Variants in ADAMTS12 observed in about 807,000 individuals in gnomAD.
ADAMTS12 encodes the protein ADAM metallopeptidase with thrombospondin type 1 motif 12, also known as A disintegrin and metalloproteinase with thrombospondin motifs 12.
Under a neutral mutation model 167.8 loss-of-function variants are expected in ADAMTS12, and 118 were observed. That is an observed-to-expected ratio of 0.70 (90% CI 0.61 to 0.82). The LOEUF is 0.82. ADAMTS12 is among the 40% of genes least tolerant of loss of function. The pLI, the probability that ADAMTS12 is intolerant of heterozygous loss-of-function variation, is 0.00. For synonymous variants in ADAMTS12, 704 were observed against 716.9 expected, an observed-to-expected ratio of 0.98 and a Z score of 0.29; for missense variants, 1,916 against 1,998.8, an observed-to-expected ratio of 0.96 and a Z score of 0.79.
intron 9 of ADAMTS12, among the ~76,000 whole-genome samples, 188 bp from the exon 10 acceptor site, chr5:33,643,658 A>C (rs1269908493): frequency 6.6e-6 from 1 of 152,252 alleles, no homozygotes; most frequent in Non-Finnish European, 1.5e-5. Context: ...GTCATCATTC[A>C]TAAACAATGG....
At chr5:33,835,920 T>TCTCTCG (rs1298127963) in intron 2 of ADAMTS12, among the ~76,000 whole-genome samples, 3 of 48,460 alleles carry the variant, frequency 6.2e-5, no homozygotes, top group African/African-American at 1.9e-4. Context: ...TCTCTCTCTC[T>TCTCTCG]CTCTCTCTCT....
chr5:33,778,207 T>C (rs1363243440), intron 2 of ADAMTS12, among the ~76,000 whole-genome samples: 1 of 152,060 alleles, frequency 6.6e-6, no homozygotes, highest in African/African-American at 2.4e-5. Flanking sequence ...GACCCCCTCA[T>C]AGTCAAAGCT....
chr5:33,731,391 G>A (rs1744191466), intron 3 of ADAMTS12, among the ~76,000 whole-genome samples: 3 of 152,068 alleles, frequency 2.0e-5, no homozygotes, highest in Admixed American at 1.3e-4. Context: ...TGTTGAAGAC[G>A]ACAGCCATGT....
At position 33,734,283 on chromosome 5, in the gene ADAMTS12, T is replaced by C. The variant is rs141078298; in HGVS notation, c.634+17121A>G. ...TCATACCCTGTCACTTCTGGTTCTT[T>C]GGAACAAAAGCTGCCTAGGTCAGAG... On this transcript the variant is annotated intron_variant, in intron 3 of 23. Transcript: ENST00000504830. Among the ~76,000 whole-genome samples the C allele has an allele frequency of 5.4e-3, 829 of 152,320 alleles. 3 individuals are homozygous for C. The highest frequency in any genetic ancestry group is 0.014 in the Middle Eastern group (4 of 294).
At chr5:33,583,629 T>C (rs1747189659) in intron 18 of ADAMTS12, among the ~76,000 whole-genome samples, 1 of 152,224 alleles carries the variant, frequency 6.6e-6, no homozygotes, top group African/African-American at 2.4e-5. Context: ...AGGGTTCCCT[T>C]TTCTCCACAT....
intron 3 of ADAMTS12, among the ~76,000 whole-genome samples, chr5:33,721,458 G>A (rs1213366250): frequency 2.0e-5 from 3 of 152,184 alleles, no homozygotes. Flanking sequence ...GAGAGGGACC[G>A]TTGCCTTTTC....
rs932990616 is a variant in ADAMTS12 at position 33,864,752 on chromosome 5, C to T, written c.489+16367G>A. 5.9e-5 allele frequency among the ~76,000 whole-genome samples: 9 copies of T among 152,286 alleles called. No individual in the cohort carries two copies. The East Asian group carries it at 1.7e-3, about 29-fold the overall frequency. On this transcript the variant is annotated intron_variant, in intron 2 of 23. Transcript: ENST00000504830. ...ACTAACACAGGAACAGAAAACCAAA[C>T]ACCGCATGTTCTCACTCTTAAGTGG...
At position 33,527,179 on chromosome 5, in the gene ADAMTS12, C is replaced by T. The variant is rs1561100522; in HGVS notation, c.*9G>A. The T allele has an allele frequency of 1.2e-6, 2 of 1,614,020 alleles. No homozygotes were observed. The highest frequency in any genetic ancestry group is 1.7e-6 in the Non-Finnish European group (2 of 1,179,918). On this transcript the variant is annotated 3_prime_UTR_variant, in exon 24 of 24. Transcript: ENST00000504830. ...CTGCAGTCTGGTGGAAGCTGGCTTCCTTTTGGGCTTAGAGTTCTTTTGACT... is the reference window on the plus strand; with the variant it reads ...CTGCAGTCTGGTGGAAGCTGGCTTCTTTTTGGGCTTAGAGTTCTTTTGACT...
Position 33,658,365 on chromosome 5 carries a change from C to G in ADAMTS12, c.1041-32G>C, listed in dbSNP as rs777350056. 1.0e-5 allele frequency: 16 copies of G among 1,604,096 alleles called. No individual in the cohort carries two copies. The South Asian group carries it at 1.8e-4, about 18-fold the overall frequency. On this transcript the variant is annotated intron_variant, in intron 6 of 23. Transcript: ENST00000504830. ...GCAGAGAATACAGAAGCTAAGGCGCCCAAAGGAACATCTGGAAAAACCTCC... is the reference window on the plus strand; with the variant it reads ...GCAGAGAATACAGAAGCTAAGGCGCGCAAAGGAACATCTGGAAAAACCTCC...
intron 2 of ADAMTS12, among the ~76,000 whole-genome samples, chr5:33,785,388 G>C (rs887853264): frequency 6.6e-6 from 1 of 152,056 alleles, no homozygotes; most frequent in African/African-American, 2.4e-5. Context: ...ATATAATGCA[G>C]ACAGGGAAAA....
At chr5:33,610,074 G>A (rs1424021125) in intron 16 of ADAMTS12, among the ~76,000 whole-genome samples, 3 of 152,174 alleles carry the variant, frequency 2.0e-5, no homozygotes. Flanking sequence ...AGCTACTCGG[G>A]AGGCTGAGAC....
At chr5:33,739,345 TGAG>T (rs1744484023) in intron 3 of ADAMTS12, among the ~76,000 whole-genome samples, 1 of 152,164 alleles carries the variant, frequency 6.6e-6, no homozygotes, top group African/African-American at 2.4e-5. Context: ...CCCACTGGGC[TGAG>T]TTTAGCTGAA....
chr5:33,889,853 G>A lies in ADAMTS12; in HGVS notation c.127+1877C>T, dbSNP rs188137700. Among the ~76,000 whole-genome samples the A allele has an allele frequency of 1.8e-3, 277 of 152,280 alleles. 1 individual carries two copies. The highest frequency in any genetic ancestry group is 6.5e-3 in the African/African-American group (272 of 41,544). On this transcript the variant is annotated intron_variant, in intron 1 of 23. Transcript: ENST00000504830. ...TGTAATCCCAGGTACTTGGTTGGCT[G>A]AGGCAGGAGAATCACTTGAACCCGG...
chr5:33,614,193 C>T (rs1042290360), intron 16 of ADAMTS12, 45 bp downstream of exon 16: 4 of 1,602,188 alleles, frequency 2.5e-6, no homozygotes, highest in Non-Finnish European at 3.4e-6. Context: ...CTACAAACTG[C>T]TCTGAGGCTG....
At chr5:33,569,419 C>T (rs1193828886) in intron 19 of ADAMTS12, among the ~76,000 whole-genome samples, 2 of 152,220 alleles carry the variant, frequency 1.3e-5, no homozygotes, top group Non-Finnish European at 2.9e-5. Context: ...AACGATCAGA[C>T]AGCAGCATTC....
At position 33,625,002 on chromosome 5, in the gene ADAMTS12, T is replaced by C. The variant is rs141143914; in HGVS notation, c.2023-651A>G. ...ACTCAAAGGAAGAATCGTTTGAATC[T>C]CTTTTTAGAGAGAGATGGGATTTTG... On this transcript the variant is annotated intron_variant, in intron 13 of 23. Coordinates refer to ENST00000504830, the MANE Select transcript of ADAMTS12 (RefSeq NM_030955.4). Among the ~76,000 whole-genome samples the C allele has an allele frequency of 4.5e-3, 684 of 152,316 alleles. 3 individuals are homozygous for C. The highest frequency in any genetic ancestry group is 7.2e-3 in the Non-Finnish European group (490 of 68,026).
At chr5:33,743,765 A>G (rs1744686000) in intron 3 of ADAMTS12, among the ~76,000 whole-genome samples, 1 of 152,110 alleles carries the variant, frequency 6.6e-6, no homozygotes, top group Admixed American at 6.5e-5. Context: ...CTATCCATAC[A>G]TACATATATA....
At chr5:33,849,871 T>C (rs900886442) in intron 2 of ADAMTS12, among the ~76,000 whole-genome samples, 2 of 151,632 alleles carry the variant, frequency 1.3e-5, no homozygotes, top group African/African-American at 2.4e-5. Flanking sequence ...TCAATATATA[T>C]ATGTATTGCA....
intron 2 of ADAMTS12, among the ~76,000 whole-genome samples, chr5:33,841,082 A>G (rs916092387): frequency 2.0e-5 from 3 of 151,924 alleles, no homozygotes; most frequent in African/African-American, 7.3e-5. Context: ...TTGTCCCCCC[A>G]GTCTGTGTGG....
Sources: gnomAD v4.1 joint callset for allele counts (sites outside exome capture counted in the v4.1 genomes callset) on GRCh38, gnomAD v4.1.1 for gene constraint, MANE v1.5 for transcripts, NCBI Gene and HGNC (gene_info 2026-07-23, HGNC 2026-07-21) for gene names.